Variants in EXOSC6 observed in about 807,000 individuals in gnomAD.
EXOSC6 encodes exosome component 6, also known as exosome complex component MTR3.
In EXOSC6, 21 loss-of-function variants were observed where a neutral mutation model predicts 16.7. That is an observed-to-expected ratio of 1.26 (90% CI 0.89 to 1.82). The LOEUF (loss-of-function observed/expected upper bound fraction) is 1.82, where lower values mean the gene tolerates loss of function less well. Ranked by LOEUF, EXOSC6 falls within the 40% of genes most tolerant of loss-of-function variation. The probability of loss-of-function intolerance (pLI) is 0.00; values close to 1 mark genes in which losing one functional copy is unlikely to be tolerated. For missense variants in EXOSC6, 538 were observed against 415.7 expected, an observed-to-expected ratio of 1.29 and a Z score of -2.56; for synonymous variants, 297 against 217.1, an observed-to-expected ratio of 1.37 and a Z score of -3.24.
In EXOSC6 at chr16:70,251,389, T is replaced by G. The variant is rs1959815326; in HGVS notation, c.512A>C (p.Asp171Ala). The change falls in exon 1 of 1, where the codon GAC becomes GCC. Residue 171 changes from aspartate (D) to alanine (A), a missense_variant. Asp to Ala is a moderately radical substitution (Grantham distance 126). Coordinates refer to ENST00000435634, the MANE Select transcript of EXOSC6 (RefSeq NM_058219.3). ...ALTAAALALA[D>A]AGVEMYDLVV... ...CAGGTCGTACATCTCCACGCCCGCG[T>G]CGGCCAGGGCGAGCGCGGCGGCGGT... 1 of 1,355,530 alleles carries G rather than the reference T, an allele frequency of 7.4e-7. No homozygotes were observed. The highest frequency in any genetic ancestry group is 9.4e-7 in the Non-Finnish European group (1 of 1,060,254). The allele number at this position is 1,355,530 out of a possible 1,614,324, so 84.0% of individuals were successfully genotyped here.
Position 70,250,666 on chromosome 16 carries a change from C to CGA in EXOSC6, c.*415_*416insTC, listed in dbSNP as rs1491333966. ...CCTGGGCAACAGAACAAGACTCCAT[C>CGA]AAAAAAAAAAAAAAAAAAAAAAGAA... is the stretch of plus-strand genomic sequence containing the variant. On this transcript the variant is annotated 3_prime_UTR_variant, in exon 1 of 1. Coordinates refer to ENST00000435634, the MANE Select transcript of EXOSC6 (RefSeq NM_058219.3). 5.2e-5 allele frequency: 4 copies of CGA among 77,426 alleles called. No individual in the cohort carries two copies. The highest frequency in any genetic ancestry group is 1.8e-4 in the African/African-American group (4 of 21,920). The allele number at this position is 77,426 out of a possible 1,614,324, so 4.8% of individuals were successfully genotyped here. A position where few individuals can be genotyped will look rare whatever the true frequency, so the allele number is the denominator to read the frequency against.
rs990552143 is a variant in EXOSC6 at position 70,250,181 on chromosome 16, G to A, written c.*901C>T. On this transcript the variant is annotated 3_prime_UTR_variant, in exon 1 of 1. Transcript: ENST00000435634. Reference sequence around the variant, plus strand: ...TATGCATACACAAGCAAAGCCAGAAGAGAATAAATAGCAAATGAATGAAAA... The same window carrying A: ...TATGCATACACAAGCAAAGCCAGAAAAGAATAAATAGCAAATGAATGAAAA... 1 of 151,968 alleles carries A rather than the reference G, an allele frequency of 6.6e-6. No homozygotes were observed. The highest frequency in any genetic ancestry group is 1.5e-5 in the Non-Finnish European group (1 of 68,012). The allele number at this position is 151,968 out of a possible 1,614,324, so 9.4% of individuals were successfully genotyped here.
chr16:70,250,788 G>C lies in EXOSC6; in HGVS notation c.*294C>G. The C allele has an allele frequency of 2.9e-6, 1 of 347,424 alleles. No homozygotes were observed. The highest frequency in any genetic ancestry group is 5.2e-6 in the Non-Finnish European group (1 of 194,166). 21.5% of individuals were successfully genotyped at this position (347,424 alleles called of 1,614,324 possible). A position where few individuals can be genotyped will look rare whatever the true frequency, so the allele number is the denominator to read the frequency against. ...GCAGGAGGATCAATCAAGGCTAGGA[G>C]TTTGAGACTGCAGAAAGAAACCCTG... On this transcript the variant is annotated 3_prime_UTR_variant, in exon 1 of 1. Transcript: ENST00000435634.
In EXOSC6 at chr16:70,251,195, T is replaced by A. The variant is rs760884693; in HGVS notation, c.706A>T (p.Ser236Cys). Residue 236 changes from serine (S) to cysteine (C), a missense_variant, in exon 1 of 1, where the codon AGC becomes TGC. Physicochemically the swap from Ser to Cys is moderately radical, Grantham distance 112. Coordinates refer to ENST00000435634, the MANE Select transcript of EXOSC6 (RefSeq NM_058219.3). ...LGSGEGGLTE[S>C]WAEAVRLGLE... ...CCCAGGCGTACGGCCTCCGCCCAGC[T>A]CTCTGTCAGGCCGCCCTCGCCGCTG... 6.6e-7 allele frequency: 1 copy of A among 1,515,798 alleles called. No individual in the cohort carries two copies. Among genetic ancestry groups the A allele is most frequent in the Non-Finnish European group, 8.8e-7 (1 of 1,139,914 alleles). 93.9% of individuals were successfully genotyped at this position (1,515,798 alleles called of 1,614,324 possible).
rs1021924267 is a variant in EXOSC6 at position 70,246,882 on chromosome 16, T to C, written c.*4200A>G. The C allele has an allele frequency of 3.4e-6, 2 of 580,626 alleles. No individual in the cohort carries two copies. 36.0% of individuals were successfully genotyped at this position (580,626 alleles called of 1,614,324 possible). On this transcript the variant is annotated 3_prime_UTR_variant, in exon 1 of 1. Transcript: ENST00000435634. ...CCCTGGAACCTCAAATATCACTGATTATACTCAAAGGAGCAGAGGCATTGT... is the reference window on the plus strand; with the variant it reads ...CCCTGGAACCTCAAATATCACTGATCATACTCAAAGGAGCAGAGGCATTGT...
At position 70,249,471 on chromosome 16, in the gene EXOSC6, A is replaced by G. The variant is rs1429732712; in HGVS notation, c.*1611T>C. 2 of 152,140 alleles carry G rather than the reference A, an allele frequency of 1.3e-5. No individual in the cohort carries two copies. The highest frequency in any genetic ancestry group is 2.9e-5 in the Non-Finnish European group (2 of 68,036). 9.4% of individuals were successfully genotyped at this position (152,140 alleles called of 1,614,324 possible). A position where few individuals can be genotyped will look rare whatever the true frequency, so the allele number is the denominator to read the frequency against. On this transcript the variant is annotated 3_prime_UTR_variant, in exon 1 of 1. Transcript: ENST00000435634. ...ATAAAACTAAGTAGAGCTGGTATTC[A>G]TTTACACATAATTATCTTATACCGT...
chr16:70,251,636 G>A lies in EXOSC6; in HGVS notation c.265C>T (p.Pro89Ser). The change falls in exon 1 of 1, where the codon CCG becomes TCG. Residue 89 changes from proline to serine, a missense_variant. Pro to Ser is a moderately conservative substitution (Grantham distance 74, BLOSUM62 -1). Transcript: ENST00000435634. Reference protein sequence around the residue: ...GGPAGAGGEAPAALRGRLLCD... With the variant: ...GGPAGAGGEASAALRGRLLCD... ...AGCAGGCGACCGCGCAGCGCGGCCG[G>A]GGCCTCGCCGCCTGCTCCGGCCGGG... is the stretch of plus-strand genomic sequence containing the variant. 8.9e-7 allele frequency: 1 copy of A among 1,119,644 alleles called. No homozygotes were observed. The highest frequency in any genetic ancestry group is 4.3e-5 in the South Asian group (1 of 23,478). 69.4% of individuals were successfully genotyped at this position (1,119,644 alleles called of 1,614,324 possible). A position where few individuals can be genotyped will look rare whatever the true frequency, so the allele number is the denominator to read the frequency against.
At position 70,251,052 on chromosome 16, in the gene EXOSC6, C is replaced by A. The variant is rs1231465242; in HGVS notation, c.*30G>T. 1.1e-5 allele frequency: 16 copies of A among 1,446,004 alleles called. 1 individual carries two copies. The South Asian group carries it at 2.0e-4, about 19-fold the overall frequency. 89.6% of individuals were successfully genotyped at this position (1,446,004 alleles called of 1,614,324 possible). On this transcript the variant is annotated 3_prime_UTR_variant, in exon 1 of 1. Transcript: ENST00000435634. ...TGGACGGCGGCAGCACGGTCCTCGG[C>A]TTGCGTCCGTAGTTGCTCAGGCTTC...
rs1959807374 is a variant in EXOSC6, at chr16:70,251,179, ACG to A, written c.720_721del (p.Val241ThrfsTer72). 1 of 1,525,140 alleles carries A rather than the reference ACG, an allele frequency of 6.6e-7. No individual in the cohort carries two copies. The highest frequency in any genetic ancestry group is 8.7e-7 in the Non-Finnish European group (1 of 1,145,196). 94.5% of individuals were successfully genotyped at this position (1,525,140 alleles called of 1,614,324 possible). The stretch of plus-strand genomic sequence containing the variant: ...CTGGCAGCCCTCGAGGCCCAGGCGT[ACG>A]GCCTCCGCCCAGCTCTCTGTCAGGC... On this transcript the variant is annotated frameshift_variant, in exon 1 of 1. Transcript: ENST00000435634. LOFTEE classifies it high-confidence loss of function.
At position 70,251,424 on chromosome 16, in the gene EXOSC6, G is replaced by A. The variant is rs766195473; in HGVS notation, c.477C>T (p.Ala159=). The A allele has an allele frequency of 7.4e-7, 1 of 1,344,894 alleles. No individual in the cohort carries two copies. The highest frequency in any genetic ancestry group is 2.8e-4 in the Middle Eastern group (1 of 3,572). 83.3% of individuals were successfully genotyped at this position (1,344,894 alleles called of 1,614,324 possible). ...LLLEDGGSAL[A]AALTAAALAL... is the part of the protein sequence containing the mutation. The stretch of plus-strand genomic sequence containing the variant: ...CGAGCGCGGCGGCGGTGAGCGCGGC[G>A]GCCAGGGCCGAGCCACCGTCCTCCA... The change falls in exon 1 of 1, where the codon GCC becomes GCT. Residue 159 remains alanine, a synonymous_variant. Transcript: ENST00000435634.
chr16:70,251,235 C>A lies in EXOSC6; in HGVS notation c.666G>T (p.Val222=), dbSNP rs1475587720. Residue 222 remains valine (V), a synonymous_variant, in exon 1 of 1, where the codon GTG becomes GTT. Coordinates refer to ENST00000435634, the MANE Select transcript of EXOSC6 (RefSeq NM_058219.3). The part of the protein sequence containing the change: ...TVALMPVLNQ[V]AGLLGSGEGG... ...CCTCGCCGCTGCCCAGCAGCCCGGC[C>A]ACCTGATTCAGCACAGGCATGAGCG... 1.2e-5 allele frequency: 18 copies of A among 1,506,054 alleles called. No individual in the cohort carries two copies. Among genetic ancestry groups the A allele is most frequent in the East Asian group, 2.7e-5 (1 of 36,912 alleles). 93.3% of individuals were successfully genotyped at this position (1,506,054 alleles called of 1,614,324 possible).
chr16:70,251,796 C>A lies in EXOSC6; in HGVS notation c.105G>T (p.Arg35=). The A allele has an allele frequency of 1.3e-6, 2 of 1,502,312 alleles. No homozygotes were observed. Among genetic ancestry groups the A allele is most frequent in the Non-Finnish European group, 1.8e-6 (2 of 1,135,728 alleles). 93.1% of individuals were successfully genotyped at this position (1,502,312 alleles called of 1,614,324 possible). ...EEAPGTRDPT[R]LRPVYARAGL... ...CGGCGCGCGCGTACACGGGCCGTAG[C>A]CGCGTTGGGTCGCGGGTGCCGGGCG... Residue 35 remains arginine (R), a synonymous_variant, in exon 1 of 1, where the codon CGG becomes CGT. Transcript: ENST00000435634.
rs1301345025 is a variant in EXOSC6 at position 70,247,049 on chromosome 16, A to C, written c.*4033T>G. 9.7e-6 allele frequency: 4 copies of C among 412,468 alleles called. No homozygotes were observed. Among genetic ancestry groups the C allele is most frequent in the Non-Finnish European group, 1.4e-5 (3 of 217,748 alleles). 25.6% of individuals were successfully genotyped at this position (412,468 alleles called of 1,614,324 possible). Reference sequence around the variant, plus strand: ...TTATTTACTAAGTGACTACATAAAAAACTGAGTATGAGACCAAGAAAAATA... The same window carrying C: ...TTATTTACTAAGTGACTACATAAAACACTGAGTATGAGACCAAGAAAAATA... On this transcript the variant is annotated 3_prime_UTR_variant, in exon 1 of 1. Coordinates refer to ENST00000435634, the MANE Select transcript of EXOSC6 (RefSeq NM_058219.3).
chr16:70,250,880 T>A lies in EXOSC6; in HGVS notation c.*202A>T. The A allele has an allele frequency of 1.8e-6, 1 of 547,874 alleles. No individual in the cohort carries two copies. The allele number at this position is 547,874 out of a possible 1,614,324, so 33.9% of individuals were successfully genotyped here. On this transcript the variant is annotated 3_prime_UTR_variant, in exon 1 of 1. Transcript: ENST00000435634. ...ACCACAAGCGCAGCTCCAGGGGCTG[T>A]TGAGTTTTGCCTTTATCATTCCAAG...
Position 70,251,052 on chromosome 16 carries a change from CTTGCGTCCGTAG to C in EXOSC6, c.*18_*29del. 4 of 1,446,004 alleles carry C rather than the reference CTTGCGTCCGTAG, an allele frequency of 2.8e-6. No homozygotes were observed. The highest frequency in any genetic ancestry group is 3.6e-6 in the Non-Finnish European group (4 of 1,111,040). The allele number at this position is 1,446,004 out of a possible 1,614,324, so 89.6% of individuals were successfully genotyped here. On this transcript the variant is annotated 3_prime_UTR_variant, in exon 1 of 1. Coordinates refer to ENST00000435634, the MANE Select transcript of EXOSC6 (RefSeq NM_058219.3). ...TGGACGGCGGCAGCACGGTCCTCGG[CTTGCGTCCGTAG>C]TTGCTCAGGCTTCTGGTTCAGGGCT...
At position 70,250,931 on chromosome 16, in the gene EXOSC6, A is replaced by C. The variant is rs1959799403; in HGVS notation, c.*151T>G. The C allele has an allele frequency of 1.0e-6, 1 of 991,794 alleles. No individual in the cohort carries two copies. The allele number at this position is 991,794 out of a possible 1,614,324, so 61.4% of individuals were successfully genotyped here. On this transcript the variant is annotated 3_prime_UTR_variant, in exon 1 of 1. Transcript: ENST00000435634. ...TAGTCCCTGCTCCAGACCAAGTCCCACCATCTGGCAGTCAGGTCAGTCCAA... is the reference window on the plus strand; with the variant it reads ...TAGTCCCTGCTCCAGACCAAGTCCCCCCATCTGGCAGTCAGGTCAGTCCAA...
rs1370999432 is a variant in EXOSC6, at chr16:70,250,372, T to A, written c.*710A>T. On this transcript the variant is annotated 3_prime_UTR_variant, in exon 1 of 1. Transcript: ENST00000435634. ...CAATATCACCGTACATTCTGTGCAA[T>A]CAAGAAATTTACTCAGCTGGGCACA... 1 of 152,180 alleles carries A rather than the reference T, an allele frequency of 6.6e-6. No homozygotes were observed. Among genetic ancestry groups the A allele is most frequent in the Non-Finnish European group, 1.5e-5 (1 of 68,060 alleles). The allele number at this position is 152,180 out of a possible 1,614,324, so 9.4% of individuals were successfully genotyped here.
chr16:70,249,597 A>G lies in EXOSC6; in HGVS notation c.*1485T>C, dbSNP rs1020097595. ...CTCTACAAATGTGAAGCACTCTTCTATCCGGCATTCCTAGTGGAGTTCCTA... is the reference window on the plus strand; with the variant it reads ...CTCTACAAATGTGAAGCACTCTTCTGTCCGGCATTCCTAGTGGAGTTCCTA... On this transcript the variant is annotated 3_prime_UTR_variant, in exon 1 of 1. Transcript: ENST00000435634. 2 of 152,158 alleles carry G rather than the reference A, an allele frequency of 1.3e-5. No homozygotes were observed. Among genetic ancestry groups the G allele is most frequent in the African/African-American group, 4.8e-5 (2 of 41,426 alleles). The allele number at this position is 152,158 out of a possible 1,614,324, so 9.4% of individuals were successfully genotyped here. A position where few individuals can be genotyped will look rare whatever the true frequency, so the allele number is the denominator to read the frequency against.
rs774270135 is a variant in EXOSC6 at position 70,251,911 on chromosome 16, G to C, written c.-11C>G. ...GTGATCCCCAGGCATGGCGGTTCTT[G>C]GCGTGCGAACCCCTTCCGCCCAACG... On this transcript the variant is annotated 5_prime_UTR_variant, in exon 1 of 1. Transcript: ENST00000435634. 1.9e-5 allele frequency: 29 copies of C among 1,511,998 alleles called. No homozygotes were observed. The highest frequency in any genetic ancestry group is 4.2e-5 in the Admixed American group (2 of 47,376). 93.7% of individuals were successfully genotyped at this position (1,511,998 alleles called of 1,614,324 possible).
Sources: allele counts gnomAD v4.1 joint callset, GRCh38; gene constraint gnomAD v4.1.1; transcripts MANE v1.5; gene names NCBI Gene and HGNC (gene_info 2026-07-23, HGNC 2026-07-21).